CTNNA3: variants seen among roughly 807,000 people sequenced by gnomAD.
The protein encoded by CTNNA3 is catenin alpha 3.
A neutral mutation model predicts 95.7 loss-of-function variants in CTNNA3; 76 were observed. That is an observed-to-expected ratio of 0.79 (90% CI 0.66 to 0.96). The LOEUF (loss-of-function observed/expected upper bound fraction) is 0.96, where lower values mean the gene tolerates loss of function less well. Ranked by LOEUF, CTNNA3 falls within the 40% of genes least tolerant of loss-of-function variation. The pLI, the probability that CTNNA3 is intolerant of heterozygous loss-of-function variation, is 0.00. For missense variants in CTNNA3, 1,191 were observed against 1,089.8 expected, an observed-to-expected ratio of 1.09 and a Z score of -1.31; for synonymous variants, 431 against 374.4, an observed-to-expected ratio of 1.15 and a Z score of -1.74.
chr10:67,483,469 G>C (rs1430556937), intron 5 of CTNNA3, among the ~76,000 whole-genome samples: 2 of 150,562 alleles, frequency 1.3e-5, no homozygotes, highest in East Asian at 3.9e-4. Context: ...CCTTTGTAGG[G>C]ACATGGATGA....
chr10:67,512,175 A>G (rs1839658088), intron 5 of CTNNA3, among the ~76,000 whole-genome samples: 1 of 152,188 alleles, frequency 6.6e-6, no homozygotes, highest in South Asian at 2.1e-4. Context: ...AAAATAAGAT[A>G]TCACCTCACA....
In CTNNA3 at chr10:66,360,677, TCC is replaced by T. The variant is rs1491572097; in HGVS notation, c.1732+18473_1732+18474del. 3.8e-4 allele frequency among the ~76,000 whole-genome samples: 36 copies of T among 95,402 alleles called. 2 individuals carry two copies. The highest frequency in any genetic ancestry group is 5.1e-3 in the Middle Eastern group (1 of 196). The allele number at this position is 95,402 out of a possible 152,430, so 62.6% of individuals were successfully genotyped here. On this transcript the variant is annotated intron_variant, in intron 12 of 17. Transcript: ENST00000433211. ...TTTCTTTCTTCCTTCCTTCCTTCCT[TCC>T]TTCCTTCCTTCCTTTTCTTTCTTTC...
intron 16 of CTNNA3, among the ~76,000 whole-genome samples, chr10:65,972,042 G>T (rs1220434527): frequency 6.6e-6 from 1 of 152,068 alleles, no homozygotes; most frequent in African/African-American, 2.4e-5. Context: ...CATATAAACA[G>T]AATTAATAAC....
At chr10:66,421,671 A>G (rs1171131329) in intron 11 of CTNNA3, among the ~76,000 whole-genome samples, 2 of 150,830 alleles carry the variant, frequency 1.3e-5, no homozygotes, top group African/African-American at 4.9e-5. Flanking sequence ...TGTCTCTACT[A>G]AAAAAAATAC....
chr10:66,204,166 A>G (rs1424125324), intron 13 of CTNNA3, among the ~76,000 whole-genome samples: 2 of 152,168 alleles, frequency 1.3e-5, no homozygotes, highest in Non-Finnish European at 2.9e-5. Flanking sequence ...AAATAAAAGA[A>G]TGAAAATGAA....
chr10:67,562,942 G>T (rs1481224471), intron 3 of CTNNA3, among the ~76,000 whole-genome samples: 1 of 152,040 alleles, frequency 6.6e-6, no homozygotes, highest in Non-Finnish European at 1.5e-5. Flanking sequence ...GGGATGTGAA[G>T]GATCTCTTCA....
intron 15 of CTNNA3, among the ~76,000 whole-genome samples, chr10:65,991,062 G>A (rs2078535854): frequency 6.6e-6 from 1 of 152,096 alleles, no homozygotes; most frequent in South Asian, 2.1e-4. Flanking sequence ...TCGAAAACCA[G>A]TTGGTTATAA....
intron 5 of CTNNA3, among the ~76,000 whole-genome samples, chr10:67,519,055 T>C (rs916616624): frequency 6.6e-6 from 1 of 152,046 alleles, no homozygotes; most frequent in Non-Finnish European, 1.5e-5. Flanking sequence ...TTTTTGAAAG[T>C]AGGAAAATGT....
chr10:67,695,390 T>C (rs1281611003), intron 1 of CTNNA3, among the ~76,000 whole-genome samples: 1 of 152,200 alleles, frequency 6.6e-6, no homozygotes, highest in Non-Finnish European at 1.5e-5. Flanking sequence ...ATAGTGACCT[T>C]TTCTTTACAT....
intron 5 of CTNNA3, among the ~76,000 whole-genome samples, chr10:67,480,350 T>C (rs1055778981): frequency 2.0e-5 from 3 of 152,042 alleles, no homozygotes; most frequent in Non-Finnish European, 4.4e-5. Flanking sequence ...CGCAACACAA[T>C]TGCTAGGAAC....
At chr10:67,410,568 T>C (rs1845325349) in intron 5 of CTNNA3, among the ~76,000 whole-genome samples, 1 of 151,262 alleles carries the variant, frequency 6.6e-6, no homozygotes, top group Non-Finnish European at 1.5e-5. Context: ...AAAAGGGAAC[T>C]CTTCCACACT....
intron 13 of CTNNA3, among the ~76,000 whole-genome samples, chr10:66,200,902 T>C (rs2087358006): frequency 6.6e-6 from 1 of 152,196 alleles, no homozygotes; most frequent in Non-Finnish European, 1.5e-5. Context: ...AATCAGCCTA[T>C]CTTCTCATGA....
intron 13 of CTNNA3, among the ~76,000 whole-genome samples, chr10:66,243,851 C>G (rs952717265): frequency 1.3e-5 from 2 of 152,074 alleles, no homozygotes; most frequent in African/African-American, 2.4e-5. Flanking sequence ...GCAGCAATAC[C>G]CAGGTAGTAT....
chr10:66,246,878 C>T (rs1248068041), intron 13 of CTNNA3, among the ~76,000 whole-genome samples: 1 of 151,566 alleles, frequency 6.6e-6, no homozygotes, highest in African/African-American at 2.4e-5. Context: ...CGGTGAAACC[C>T]CGTCTCTACT....
At chr10:66,442,964 T>A (rs1314760691) in intron 11 of CTNNA3, among the ~76,000 whole-genome samples, 1 of 152,170 alleles carries the variant, frequency 6.6e-6, no homozygotes, top group East Asian at 1.9e-4. Context: ...ACCCTAATAC[T>A]GCACTTTTCC....
intron 2 of CTNNA3, among the ~76,000 whole-genome samples, chr10:67,616,303 A>G (rs1365825986): frequency 1.3e-5 from 2 of 152,232 alleles, no homozygotes; most frequent in Non-Finnish European, 2.9e-5. Context: ...TGCTTGAAAC[A>G]GGAAAGTAAC....
In CTNNA3 at chr10:67,194,325, A is replaced by G. The variant is rs550960804; in HGVS notation, c.844-13805T>C. Among the ~76,000 whole-genome samples the G allele has an allele frequency of 1.4e-4, 21 of 152,196 alleles. No individual in the cohort carries two copies. In the East Asian group the frequency reaches 2.5e-3, roughly 18 times the overall value. ...CTTGGACGCAACCAAGAGGTCCTTT[A>G]GTAGGTAAATGGATAAACTGTGGTA... On this transcript the variant is annotated intron_variant, in intron 6 of 17. Transcript: ENST00000433211.
At chr10:66,774,333 G>C (rs1422801181) in intron 8 of CTNNA3, among the ~76,000 whole-genome samples, 1 of 152,238 alleles carries the variant, frequency 6.6e-6, no homozygotes, top group South Asian at 2.1e-4. Context: ...TCCTGGTACA[G>C]GTTCTGACTC....
chr10:66,075,397 T>G (rs900846585), intron 14 of CTNNA3, among the ~76,000 whole-genome samples: 5 of 151,808 alleles, frequency 3.3e-5, no homozygotes, highest in Non-Finnish European at 7.4e-5. Context: ...CAGTTTCATA[T>G]GTTAAATGAT....
Sources: gnomAD v4.1 joint callset for allele counts (sites outside exome capture counted in the v4.1 genomes callset) on GRCh38, gnomAD v4.1.1 for gene constraint, MANE v1.5 for transcripts, NCBI Gene and HGNC (gene_info 2026-07-23, HGNC 2026-07-21) for gene names.